Variants in ANKRD30A observed in about 807,000 individuals in gnomAD.
ANKRD30A encodes ankyrin repeat domain 30A.
Under a neutral mutation model 166.3 loss-of-function variants are expected in ANKRD30A, and 170 were observed. The observed-to-expected ratio is 1.02, with a 90% CI of 0.90 to 1.16. The LOEUF (loss-of-function observed/expected upper bound fraction) is 1.16, where lower values mean the gene tolerates loss of function less well. Among genes scored for constraint, ANKRD30A ranks in the 50% most tolerant of loss-of-function variants. The pLI is 0.00. For synonymous variants in ANKRD30A, 564 were observed against 508.9 expected (o/e 1.11, Z -1.46); for missense variants, 1,630 against 1,518.0 (o/e 1.07, Z -1.23).
At chr10:37,248,188 G>A in the ANKRD30A span, 1 of 634,522 alleles carries the variant, frequency 1.6e-6, no homozygotes, top group Non-Finnish European at 3.1e-6. Flanking sequence ...AGCATGCTCA[G>A]GTTTCCCCAG....
the ANKRD30A span, among the ~76,000 whole-genome samples, chr10:37,265,095 C>G: frequency 6.6e-6 from 1 of 152,160 alleles, no homozygotes. Context: ...CTCTATGAAC[C>G]AGCATCTCTC....
At chr10:37,198,698 ACT>A (rs1841366448) in intron 29 of ANKRD30A, among the ~76,000 whole-genome samples, 2 of 152,000 alleles carry the variant, frequency 1.3e-5, no homozygotes, top group Admixed American at 1.3e-4. Flanking sequence ...TTTCTTCGAC[ACT>A]CTGCATGAAA....
intron 34 of ANKRD30A, among the ~76,000 whole-genome samples, chr10:37,227,963 G>A (rs1843237713): frequency 6.6e-6 from 1 of 151,898 alleles, no homozygotes; most frequent in Non-Finnish European, 1.5e-5. Flanking sequence ...TTTTGACCTG[G>A]CACCTGATTC....
intron 34 of ANKRD30A, among the ~76,000 whole-genome samples, chr10:37,228,042 G>A (rs1308844932): frequency 1.3e-5 from 2 of 151,844 alleles, no homozygotes; most frequent in East Asian, 3.9e-4. Flanking sequence ...ACCATTCTCT[G>A]TAATTACTTC....
intron 24 of ANKRD30A, among the ~76,000 whole-genome samples, chr10:37,179,061 T>TATAG (rs1588871193): frequency 7.8e-6 from 1 of 127,938 alleles, no homozygotes; most frequent in Non-Finnish European, 1.7e-5. Context: ...TATATATATA[T>TATAG]ATAGATGTGT....
intron 31 of ANKRD30A, 96 bp downstream of exon 31, chr10:37,201,421 C>T (rs951409050): frequency 1.9e-5 from 17 of 915,820 alleles, no homozygotes; most frequent in Admixed American, 6.5e-5. Flanking sequence ...AAATTACCTC[C>T]TAAATGCAAA....
At chr10:37,167,395 T>C (rs528144982) in intron 19 of ANKRD30A, among the ~76,000 whole-genome samples, 1 of 150,906 alleles carries the variant, frequency 6.6e-6, no homozygotes, top group Non-Finnish European at 1.5e-5. Flanking sequence ...AGGAAGCAAA[T>C]TGTGTTGGTA....
chr10:37,178,314 A>T (rs1235107541), intron 24 of ANKRD30A, among the ~76,000 whole-genome samples: 1 of 151,302 alleles, frequency 6.6e-6, no homozygotes, highest in African/African-American at 2.4e-5. Context: ...GGTGAGAATA[A>T]GCATATCTGC....
At position 37,153,694 on chromosome 10, in the gene ANKRD30A, G is replaced by A. The variant is rs547401238; in HGVS notation, c.1798+32G>A. 3 of 1,608,172 alleles carry A rather than the reference G, an allele frequency of 1.9e-6. No homozygotes were observed. The African/African-American group carries it at 4.0e-5, about 22-fold the overall frequency. Reference sequence around the variant, plus strand: ...ACCGTTTTTTATTTAAAAATCAGTTGACCGAATATTTCTCTAAACTGATGA... The same window carrying A: ...ACCGTTTTTTATTTAAAAATCAGTTAACCGAATATTTCTCTAAACTGATGA... On this transcript the variant is annotated intron_variant, in intron 13 of 35. Transcript: ENST00000361713.
the ANKRD30A span, among the ~76,000 whole-genome samples, chr10:37,238,962 A>G: frequency 6.6e-6 from 1 of 152,116 alleles, no homozygotes; most frequent in African/African-American, 2.4e-5. Flanking sequence ...ATATGGGAAA[A>G]CATGTTTGTC....
At chr10:37,183,363 T>C (rs1460417106) in intron 24 of ANKRD30A, among the ~76,000 whole-genome samples, 1 of 145,290 alleles carries the variant, frequency 6.9e-6, no homozygotes, top group African/African-American at 2.5e-5. Flanking sequence ...GGTGTATTTG[T>C]TGAACTTCAG....
intron 7 of ANKRD30A, among the ~76,000 whole-genome samples, chr10:37,142,929 T>A (rs143317244): frequency 1.3e-5 from 2 of 152,120 alleles, no homozygotes; most frequent in African/African-American, 2.4e-5. Flanking sequence ...CCAATAATCA[T>A]GCTCTCTCAA....
chr10:37,229,892 A>G (rs541055636), intron 34 of ANKRD30A, among the ~76,000 whole-genome samples: 270 of 152,090 alleles, frequency 1.8e-3, no homozygotes, highest in African/African-American at 6.3e-3. Context: ...TAATAATCAC[A>G]TTAGGGTAAA....
chr10:37,165,189 T>A (rs755008040), intron 18 of ANKRD30A, 34 bp downstream of exon 18: 13 of 1,540,342 alleles, frequency 8.4e-6, no homozygotes, highest in African/African-American at 5.4e-5. Context: ...TAAATATTAG[T>A]ATTGCATGAT....
rs561865212 is a variant in ANKRD30A at position 37,192,805 on chromosome 10, T to C, written c.2513-259T>C. Among the ~76,000 whole-genome samples, 254 of 152,176 alleles carry C rather than the reference T, an allele frequency of 1.7e-3. 5 individuals are homozygous for C. The highest frequency in any genetic ancestry group is 5.9e-3 in the African/African-American group (246 of 41,476). ...GATAGTAGGATATTTCTGCTTTAGT[T>C]ATTGTCACCTTAAATATATTTTCAA... On this transcript the variant is annotated intron_variant, in intron 25 of 35. Transcript: ENST00000361713.
At chr10:37,223,864 A>T (rs58756911) in intron 34 of ANKRD30A, among the ~76,000 whole-genome samples, 2,135 of 151,254 alleles carry the variant, frequency 0.014, 38 homozygotes, top group African/African-American at 0.049. Context: ...TATTGACTTA[A>T]TGCAATCTCT....
intron 34 of ANKRD30A, among the ~76,000 whole-genome samples, chr10:37,224,355 T>A: frequency 6.6e-6 from 1 of 151,208 alleles, no homozygotes; most frequent in East Asian, 1.9e-4. Flanking sequence ...CTTTGATTTT[T>A]TTTAGTTTTA....
At chr10:37,238,721 A>G in the ANKRD30A span, among the ~76,000 whole-genome samples, 1 of 152,208 alleles carries the variant, frequency 6.6e-6, no homozygotes, top group Non-Finnish European at 1.5e-5. Context: ...GGAAAAGATA[A>G]TAGCATTACC....
intron 5 of ANKRD30A, 91 bp downstream of exon 5, chr10:37,134,144 A>G (rs950781793): frequency 6.8e-7 from 1 of 1,472,324 alleles, no homozygotes; most frequent in Admixed American, 1.9e-5. Flanking sequence ...TCAGCCAGAA[A>G]CTAGGCAAAA....
Sources: gnomAD v4.1 joint callset for allele counts (sites outside exome capture counted in the v4.1 genomes callset) on GRCh38, gnomAD v4.1.1 for gene constraint, MANE v1.5 for transcripts, NCBI Gene and HGNC (gene_info 2026-07-23, HGNC 2026-07-21) for gene names.